The following IL12RB1 variants were observed in gnomAD, a reference collection of about 807,000 sequenced individuals.
IL12RB1 encodes the protein interleukin-12 receptor subunit beta-1.
In IL12RB1, 64 loss-of-function variants were observed where a neutral mutation model predicts 94.4. The observed-to-expected ratio is 0.68, with a 90% CI of 0.55 to 0.83. The LOEUF is 0.83. IL12RB1 is among the 40% of genes least tolerant of loss of function. The pLI is 0.00. For synonymous variants in IL12RB1, 362 were observed against 355.5 expected (o/e 1.02, Z -0.21); for missense variants, 814 against 855.6 (o/e 0.95, Z 0.61).
chr19:18,087,893 C>T (rs536986529), upstream of IL12RB1, among the ~76,000 whole-genome samples: 5 of 152,170 alleles, frequency 3.3e-5, no homozygotes, highest in South Asian at 8.3e-4. Flanking sequence ...CTAATTTCAT[C>T]CTTCCAACAA....
Position 18,064,014 on chromosome 19 carries a change from C to T in IL12RB1, c.1484-4G>A. ...TCTGTGGGCTGCACGGGATGCTCTG[C>T]AGTGGGAGAGGCAACCCTGAGTCCT... On this transcript the variant is annotated splice_region_variant and splice_polypyrimidine_tract_variant and intron_variant, in intron 12 of 16. Coordinates refer to ENST00000593993, the MANE Select transcript of IL12RB1 (RefSeq NM_005535.3). The T allele has an allele frequency of 6.2e-7, 1 of 1,610,686 alleles. No homozygotes were observed. The highest frequency in any genetic ancestry group is 2.2e-5 in the East Asian group (1 of 44,866).
intron 12 of IL12RB1, among the ~76,000 whole-genome samples, chr19:18,065,265 C>G (rs1442311164): frequency 6.6e-6 from 1 of 152,164 alleles, no homozygotes; most frequent in South Asian, 2.1e-4. Flanking sequence ...CAGATCCCCC[C>G]TCCAGGCCTT....
intron 5 of IL12RB1, among the ~76,000 whole-genome samples, chr19:18,077,087 G>T (rs1218281821): frequency 7.2e-5 from 11 of 152,158 alleles, no homozygotes; most frequent in Non-Finnish European, 1.3e-4. Flanking sequence ...TGGGAGCAAG[G>T]CGTGGTGGTT....
intron 8 of IL12RB1, 127 bp from the exon 9 acceptor site, chr19:18,072,476 A>T (rs1281750415): frequency 1.4e-5 from 10 of 708,988 alleles, no homozygotes; most frequent in Middle Eastern, 2.3e-4. Flanking sequence ...TGCATCAAAA[A>T]TTAAAAGAAT....
At chr19:18,085,019 A>G (rs1568523451) in intron 1 of IL12RB1, among the ~76,000 whole-genome samples, 1 of 152,248 alleles carries the variant, frequency 6.6e-6, no homozygotes, top group East Asian at 1.9e-4. Flanking sequence ...GGCAATTATT[A>G]ATAACATTTC....
rs551642451 is a variant in IL12RB1 at position 18,080,413 on chromosome 19, A to G, written c.409+419T>C. Among the ~76,000 whole-genome samples, 41 of 151,896 alleles carry G rather than the reference A, an allele frequency of 2.7e-4. 1 individual carries two copies. The South Asian group carries it at 6.7e-3, about 25-fold the overall frequency. On this transcript the variant is annotated intron_variant, in intron 4 of 16. Coordinates refer to ENST00000593993, the MANE Select transcript of IL12RB1 (RefSeq NM_005535.3). ...GTGGCCACTCCTGGCTAATTTTTGT[A>G]TTTTTAATAGAGATGGGGTTTCACC... is the stretch of plus-strand genomic sequence containing the variant.
chr19:18,059,934 G>T lies in IL12RB1; in HGVS notation c.1943C>A (p.Thr648Lys). 1 of 1,593,002 alleles carries T rather than the reference G, an allele frequency of 6.3e-7. No homozygotes were observed. ...PEGAPELALD[T>K]ELSLEDGDRC... ...GTCTCCATCCTCCAAGGACAACTCT[G>T]TATCCAGGGCCAGCTCAGGGGCACC... is the stretch of plus-strand genomic sequence containing the variant. The change falls in exon 16 of 17, where the codon ACA (threonine) becomes AAA (lysine). Residue 648 changes from threonine (T) to lysine (K), a missense_variant. Coordinates refer to ENST00000593993, the MANE Select transcript of IL12RB1 (RefSeq NM_005535.3).
rs773788046 is a variant in IL12RB1, at chr19:18,082,302, T to C, written c.125-38A>G. 56 of 1,212,168 alleles carry C rather than the reference T, an allele frequency of 4.6e-5. No individual in the cohort carries two copies. In the South Asian group the frequency reaches 6.5e-4, roughly 14 times the overall value. 75.1% of individuals were successfully genotyped at this position (1,212,168 alleles called of 1,614,324 possible). ...CTGTAGGCTTGGGAACAGACCAGAGTCTGGAGGGGTCTTCGTGCCTAAGAC... is the reference window on the plus strand; with the variant it reads ...CTGTAGGCTTGGGAACAGACCAGAGCCTGGAGGGGTCTTCGTGCCTAAGAC... On this transcript the variant is annotated intron_variant, in intron 2 of 16. Transcript: ENST00000593993.
intron 1 of IL12RB1, among the ~76,000 whole-genome samples, chr19:18,096,186 G>C (rs1219957805): frequency 6.6e-6 from 1 of 152,084 alleles, no homozygotes; most frequent in East Asian, 1.9e-4. Context: ...AGGCTGCAAT[G>C]AGACAAGATT....
chr19:18,098,228 C>T (rs2037171158), intron 1 of IL12RB1, among the ~76,000 whole-genome samples: 1 of 152,070 alleles, frequency 6.6e-6, no homozygotes, highest in Admixed American at 6.5e-5. Context: ...CTCCTTGGGT[C>T]GTCGCTGCAC....
In IL12RB1 at chr19:18,061,137, G is replaced by C; in HGVS notation, c.1776C>G (p.Phe592Leu). 6.3e-7 allele frequency: 1 copy of C among 1,592,734 alleles called. No individual in the cohort carries two copies. Among genetic ancestry groups the C allele is most frequent in the Non-Finnish European group, 8.6e-7 (1 of 1,164,418 alleles). ...PTPCASSAIE[F>L]PGGKETWQWI... ...GCATCCTTACCTCCTTCCCTCCAGG[G>C]AACTCAATGGCGGAGCTGGCACAGG... The change falls in exon 15 of 17, where the codon TTC (phenylalanine) becomes TTG (leucine). Residue 592 changes from phenylalanine to leucine, a missense_variant. Phe to Leu is a conservative substitution (Grantham distance 22, BLOSUM62 0). Transcript: ENST00000593993.
intron 2 of IL12RB1, among the ~76,000 whole-genome samples, chr19:18,082,840 G>A (rs1009368466): frequency 2.0e-5 from 3 of 152,144 alleles, no homozygotes; most frequent in African/African-American, 7.2e-5. Context: ...ACTTTGGGAG[G>A]CTGAGGCAGG....
chr19:18,061,298 T>G, intron 14 of IL12RB1, 101 bp from the exon 15 acceptor site: 2 of 616,686 alleles, frequency 3.2e-6, no homozygotes, highest in South Asian at 2.1e-5. Context: ...TGGCGCGATC[T>G]CGGCTCACTG....
intron 9 of IL12RB1, chr19:18,070,547 T>C: frequency 1.0e-6 from 1 of 985,322 alleles, no homozygotes; most frequent in Non-Finnish European, 1.2e-6. Flanking sequence ...GAGAGATGGA[T>C]ACTGCTTGCA....
At chr19:18,086,989 G>T, upstream of IL12RB1, 1 of 1,462,776 alleles carries the variant, frequency 6.8e-7, no homozygotes, top group East Asian at 2.5e-5. Context: ...CCTAAGGCAA[G>T]TCAAAGTGAA....
intron 14 of IL12RB1, among the ~76,000 whole-genome samples, 170 bp from the exon 15 acceptor site, chr19:18,061,367 A>T (rs2034114960): frequency 6.6e-6 from 1 of 151,984 alleles, no homozygotes; most frequent in Non-Finnish European, 1.5e-5. Context: ...AGTAGCTGAG[A>T]TTACAAACGT....
chr19:18,065,198 G>A (rs2034490777), intron 12 of IL12RB1, among the ~76,000 whole-genome samples: 1 of 151,958 alleles, frequency 6.6e-6, no homozygotes, highest in Non-Finnish European at 1.5e-5. Context: ...TCTTTCCTGG[G>A]GAAAGCCAAA....
chr19:18,073,721 C>T, intron 7 of IL12RB1, 122 bp from the exon 8 acceptor site: 1 of 734,884 alleles, frequency 1.4e-6, no homozygotes, highest in South Asian at 1.5e-5. Flanking sequence ...CCCCAAATTG[C>T]AGAAAAGAGA....
chr19:18,089,806 G>C (rs935556141), upstream of IL12RB1, among the ~76,000 whole-genome samples: 3 of 152,210 alleles, frequency 2.0e-5, no homozygotes, highest in Non-Finnish European at 4.4e-5. Flanking sequence ...TTCCTGGGAG[G>C]AGGTCCCTCC....
Sources: gnomAD v4.1 joint callset for allele counts (sites outside exome capture counted in the v4.1 genomes callset) on GRCh38, gnomAD v4.1.1 for gene constraint, MANE v1.5 for transcripts, NCBI Gene and HGNC (gene_info 2026-07-23, HGNC 2026-07-21) for gene names.